CLVS1: variants seen among roughly 807,000 people sequenced by gnomAD.
The protein encoded by CLVS1 is clavesin-1.
In CLVS1, 10 loss-of-function variants were observed where a neutral mutation model predicts 33.1. That is an observed-to-expected ratio of 0.30 (90% confidence interval 0.19 to 0.51). The LOEUF (loss-of-function observed/expected upper bound fraction) is 0.51. Ranked by LOEUF, CLVS1 falls within the 20% of genes least tolerant of loss-of-function variation. The pLI is 0.97. For synonymous variants in CLVS1, 163 were observed against 166.1 expected (o/e 0.98, Z 0.14); for missense variants, 343 against 433.4 (o/e 0.79, Z 1.85).
At chr8:61,349,893 T>A (rs369724470) in intron 2 of CLVS1, among the ~76,000 whole-genome samples, 2 of 152,150 alleles carry the variant, frequency 1.3e-5, no homozygotes, top group East Asian at 1.9e-4. Flanking sequence ...CTTGTGTCTT[T>A]TAAGTTCCAT....
At chr8:61,127,072 A>C (rs1805988365) in intron 1 of CLVS1, among the ~76,000 whole-genome samples, 1 of 152,194 alleles carries the variant, frequency 6.6e-6, no homozygotes, top group African/African-American at 2.4e-5. Flanking sequence ...TTTCCAAAGG[A>C]ACCAAAAAGC....
At chr8:61,140,328 G>A (rs56897307) in intron 2 of CLVS1, among the ~76,000 whole-genome samples, 15,202 of 152,118 alleles carry the variant, frequency 0.1, 1,069 homozygotes, top group East Asian at 0.36. Context: ...TCATGGTCTT[G>A]GTGTAAATGA....
intron 3 of CLVS1, among the ~76,000 whole-genome samples, chr8:61,410,384 G>A (rs1346897937): frequency 1.3e-5 from 2 of 152,042 alleles, no homozygotes; most frequent in South Asian, 2.1e-4. Flanking sequence ...GAGATACCAT[G>A]CTGCTTTAAT....
At chr8:61,316,350 T>C (rs1265487900) in intron 2 of CLVS1, among the ~76,000 whole-genome samples, 1 of 152,192 alleles carries the variant, frequency 6.6e-6, no homozygotes, top group Non-Finnish European at 1.5e-5. Context: ...GACACGTGCA[T>C]TTGGTGGAAG....
chr8:61,486,214 C>T lies in CLVS1; in HGVS notation c.978-13241C>T, dbSNP rs137949349. ...AAGGAGCTCAGCTTTGAAAGAGGTA[C>T]TCAATGGGACAGGTGGCATGTTTGC... On this transcript the variant is annotated intron_variant, in intron 5 of 5. Transcript: ENST00000325897. Among the ~76,000 whole-genome samples, 992 of 152,186 alleles carry T rather than the reference C, an allele frequency of 6.5e-3. 8 individuals are homozygous for T. The highest frequency in any genetic ancestry group is 7.9e-3 in the Non-Finnish European group (536 of 68,010).
intron 2 of CLVS1, among the ~76,000 whole-genome samples, chr8:61,147,104 A>G (rs1018671607): frequency 1.3e-5 from 2 of 152,320 alleles, no homozygotes; most frequent in South Asian, 4.1e-4. Context: ...TGTCCCCTTT[A>G]TAAGATGGAG....
At chr8:61,261,957 C>T (rs1585731002) in intron 2 of CLVS1, among the ~76,000 whole-genome samples, 1 of 149,308 alleles carries the variant, frequency 6.7e-6, no homozygotes, top group Middle Eastern at 3.4e-3. Flanking sequence ...TACCATTTGG[C>T]AGCAATTCTC....
intron 2 of CLVS1, among the ~76,000 whole-genome samples, chr8:61,246,576 A>G (rs993219087): frequency 1.3e-5 from 2 of 152,064 alleles, no homozygotes; most frequent in Non-Finnish European, 2.9e-5. Context: ...AGACTTATCC[A>G]TATATTTACC....
At chr8:61,392,150 G>A (rs1277544457) in intron 3 of CLVS1, among the ~76,000 whole-genome samples, 2 of 152,060 alleles carry the variant, frequency 1.3e-5, no homozygotes, top group African/African-American at 4.8e-5. Flanking sequence ...GCAAGATGGC[G>A]AGACTCCATC....
intron 2 of CLVS1, among the ~76,000 whole-genome samples, chr8:61,365,514 T>C (rs372604781): frequency 1.4e-5 from 2 of 138,698 alleles, no homozygotes; most frequent in South Asian, 2.5e-4. Context: ...GTGACAAGAG[T>C]GAAACACCAT....
intron 2 of CLVS1, among the ~76,000 whole-genome samples, chr8:61,231,529 CCCCTTGT>C (rs1290589249): frequency 6.6e-6 from 1 of 152,196 alleles, no homozygotes; most frequent in African/African-American, 2.4e-5. Flanking sequence ...CAAATCCACT[CCCCTTGT>C]CCCTTCCTCC....
intron 5 of CLVS1, among the ~76,000 whole-genome samples, chr8:61,493,629 T>TG (rs1218796933): frequency 6.6e-6 from 1 of 152,094 alleles, no homozygotes; most frequent in Non-Finnish European, 1.5e-5. Context: ...TAAAGTTATT[T>TG]GGGGGAAAAA....
At chr8:61,430,914 A>G (rs1231328271) in intron 3 of CLVS1, among the ~76,000 whole-genome samples, 1 of 152,226 alleles carries the variant, frequency 6.6e-6, no homozygotes, top group Admixed American at 6.5e-5. Flanking sequence ...CAGGACATGA[A>G]GATGACGGCA....
intron 1 of CLVS1, among the ~76,000 whole-genome samples, chr8:61,122,264 C>A (rs1805885425): frequency 6.6e-6 from 1 of 152,186 alleles, no homozygotes; most frequent in Non-Finnish European, 1.5e-5. Flanking sequence ...TTGTCATATG[C>A]TTCTGCAACC....
chr8:61,328,136 C>A (rs1180948875), intron 2 of CLVS1, among the ~76,000 whole-genome samples: 1 of 152,130 alleles, frequency 6.6e-6, no homozygotes, highest in African/African-American at 2.4e-5. Flanking sequence ...CTGGGAGTTT[C>A]ATGAACTTGC....
intron 3 of CLVS1, among the ~76,000 whole-genome samples, chr8:61,394,843 C>T (rs1814453857): frequency 6.6e-6 from 1 of 151,926 alleles, no homozygotes. Context: ...CTCACCAACA[C>T]TTATCATTCA....
intron 2 of CLVS1, among the ~76,000 whole-genome samples, chr8:61,351,745 T>C (rs1251433531): frequency 6.6e-6 from 1 of 152,046 alleles, no homozygotes; most frequent in African/African-American, 2.4e-5. Context: ...TGAATTTTCA[T>C]CTGAAACCAT....
intron 5 of CLVS1, among the ~76,000 whole-genome samples, chr8:61,479,677 G>T (rs1000813297): frequency 6.6e-6 from 1 of 152,030 alleles, no homozygotes; most frequent in Non-Finnish European, 1.5e-5. Flanking sequence ...TAGAGTTTCC[G>T]GTTTTTCTGC....
intron 2 of CLVS1, among the ~76,000 whole-genome samples, chr8:61,235,719 A>G (rs1808542765): frequency 6.6e-6 from 1 of 152,220 alleles, no homozygotes; most frequent in Non-Finnish European, 1.5e-5. Flanking sequence ...ACTCACAAAC[A>G]TCAGGTGATT....
Sources: gnomAD v4.1 joint callset for allele counts (sites outside exome capture counted in the v4.1 genomes callset) on GRCh38, gnomAD v4.1.1 for gene constraint, MANE v1.5 for transcripts, NCBI Gene and HGNC (gene_info 2026-07-23, HGNC 2026-07-21) for gene names.